POLE: variants seen among roughly 807,000 people sequenced by gnomAD.
POLE encodes the protein DNA polymerase epsilon catalytic subunit A.
POLE carries 188 observed loss-of-function variants against 279.2 expected under a neutral mutation model. That is an observed-to-expected ratio of 0.67 (90% CI 0.60 to 0.76). The LOEUF is 0.76. Among genes scored for constraint, POLE ranks in the 30% least tolerant of loss-of-function variants. POLE has a pLI of 0.00. For missense variants in POLE, 2,703 were observed against 3,016.7 expected (o/e 0.90, Z 2.44); for synonymous variants, 1,214 against 1,172.5 (o/e 1.04, Z -0.72).
intron 29 of POLE, among the ~76,000 whole-genome samples, chr12:132,651,666 A>G (rs2042425416): frequency 6.6e-6 from 1 of 152,210 alleles, no homozygotes; most frequent in African/African-American, 2.4e-5. Context: ...TAATGAACAG[A>G]TTCCAGCAAA....
chr12:132,677,996 G>A (rs945591300), intron 6 of POLE, among the ~76,000 whole-genome samples: 5 of 151,964 alleles, frequency 3.3e-5, no homozygotes, highest in Admixed American at 2.0e-4. Context: ...TGGCCAACAC[G>A]ACGAAACCTC....
At chr12:132,659,754 G>A (rs1331012720) in intron 25 of POLE, 4 of 475,224 alleles carry the variant, frequency 8.4e-6, no homozygotes, top group Non-Finnish European at 1.5e-5. Flanking sequence ...GTGCAGTGGT[G>A]CAATCTCAAC....
chr12:132,664,028 G>A lies in POLE; in HGVS notation c.2682C>T (p.Gly894=), dbSNP rs757453683. Residue 894 remains glycine (G), a synonymous_variant, in exon 23 of 49, where the codon GGC becomes GGT. Transcript: ENST00000320574. The surrounding 1 kb of genome is among the most constrained non-coding windows in gnomAD (Gnocchi z 5.3). The stretch of plus-strand genomic sequence containing the variant: ...CCTTGACCATGATGTTCAACATGGC[G>A]CCTGGGTAGGAGATGGTCACTTTGG... ...KKPKVTISYP[G]AMLNIMVKEG... 8 of 1,614,160 alleles carry A rather than the reference G, an allele frequency of 5.0e-6. No homozygotes were observed. Among genetic ancestry groups the A allele is most frequent in the African/African-American group, 4.0e-5 (3 of 75,052 alleles).
At position 132,673,525 on chromosome 12, in the gene POLE, C is replaced by G. The variant is rs372606601; in HGVS notation, c.1359+50G>C. ...ATGCCTGGGGCTGCTCCGTGGCCAT[C>G]TGGATGCGTGCACACGGCAGCAGGG... is the stretch of plus-strand genomic sequence containing the variant. On this transcript the variant is annotated intron_variant, in intron 13 of 48. Coordinates refer to ENST00000320574, the MANE Select transcript of POLE (RefSeq NM_006231.4). 2.4e-4 allele frequency: 381 copies of G among 1,581,472 alleles called. No individual in the cohort carries two copies. The highest frequency in any genetic ancestry group is 3.0e-4 in the Non-Finnish European group (354 of 1,162,276).
chr12:132,626,385 A>G (rs1051153282), intron 45 of POLE, 68 bp from the exon 46 acceptor site: 1 of 1,472,154 alleles, frequency 6.8e-7, no homozygotes, highest in Admixed American at 1.7e-5. Context: ...TCTGGACCAG[A>G]ACCCTCTGGA....
chr12:132,643,834 CACCTGAGTCTCATAT>C lies in POLE; in HGVS notation c.4278_4290+2del. 6.2e-7 allele frequency: 1 copy of C among 1,612,554 alleles called. No homozygotes were observed. The highest frequency in any genetic ancestry group is 1.3e-5 in the African/African-American group (1 of 75,052). On this transcript the variant is annotated splice_donor_variant and coding_sequence_variant, in exon 33 of 49. Transcript: ENST00000320574. LOFTEE classifies it high-confidence loss of function. ...GTTCAGTCGAGGGTGGCTGGGGAGT[CACCTGAGTCTCATAT>C]ACGCCCTCGATGTCTGGCGCTGACA... is the stretch of plus-strand genomic sequence containing the variant.
At position 132,639,427 on chromosome 12, in the gene POLE, C is replaced by T. The variant is rs1001835313; in HGVS notation, c.5379-129G>A. 6.6e-6 allele frequency: 5 copies of T among 754,064 alleles called. No homozygotes were observed. Among genetic ancestry groups the T allele is most frequent in the African/African-American group, 5.2e-5 (3 of 57,596 alleles). The allele number at this position is 754,064 out of a possible 1,614,324, so 46.7% of individuals were successfully genotyped here. A position where few individuals can be genotyped will look rare whatever the true frequency, so the allele number is the denominator to read the frequency against. ...GGTCCAAATCCGTCACTGTCGCCTC[C>T]CCTTCTCACTGTCCCCACCTTAAGT... On this transcript the variant is annotated intron_variant, in intron 39 of 48. Transcript: ENST00000320574. The surrounding 1 kb of genome is among the most constrained non-coding windows in gnomAD (Gnocchi z 4.7).
At chr12:132,679,762 G>T in intron 5 of POLE, 111 bp from the exon 6 acceptor site, 1 of 1,300,952 alleles carries the variant, frequency 7.7e-7, no homozygotes, top group Non-Finnish European at 1.1e-6. Flanking sequence ...CGACTTCAAG[G>T]CACCTTGTCC....
chr12:132,659,241 A>C, intron 26 of POLE, 54 bp downstream of exon 26: 2 of 1,564,088 alleles, frequency 1.3e-6, no homozygotes, highest in South Asian at 2.3e-5. Flanking sequence ...GGGAGCCCTC[A>C]CCTGTCCGTG....
In POLE at chr12:132,640,932, C is replaced by G. The variant is rs560520977; in HGVS notation, c.5378+715G>C. On this transcript the variant is annotated intron_variant, in intron 39 of 48. Transcript: ENST00000320574. ...TGCCTCATTTCCCAGCTCTGGCATGCTCCCTCTCCCCTTTTGTATGGAGTC... is the reference window on the plus strand; with the variant it reads ...TGCCTCATTTCCCAGCTCTGGCATGGTCCCTCTCCCCTTTTGTATGGAGTC... 3 of 454,762 alleles carry G rather than the reference C, an allele frequency of 6.6e-6. No individual in the cohort carries two copies. In the East Asian group the frequency reaches 2.1e-4, roughly 32 times the overall value. 28.2% of individuals were successfully genotyped at this position (454,762 alleles called of 1,614,324 possible). A position where few individuals can be genotyped will look rare whatever the true frequency, so the allele number is the denominator to read the frequency against.
In POLE at chr12:132,624,377, G is replaced by C; in HGVS notation, c.*320C>G. ...CTAGAGGACGCTCCCACCCCACCAG[G>C]TGTGGTGCAGGAAGCAACAGAGGCC... On this transcript the variant is annotated 3_prime_UTR_variant, in exon 49 of 49. Transcript: ENST00000320574. The C allele has an allele frequency of 2.3e-6, 1 of 436,430 alleles. No homozygotes were observed. 27.0% of individuals were successfully genotyped at this position (436,430 alleles called of 1,614,324 possible). A position where few individuals can be genotyped will look rare whatever the true frequency, so the allele number is the denominator to read the frequency against.
intron 29 of POLE, among the ~76,000 whole-genome samples, chr12:132,656,129 G>C (rs957878755): frequency 6.6e-6 from 1 of 151,874 alleles, no homozygotes; most frequent in African/African-American, 2.4e-5. Flanking sequence ...AGGCATGGTG[G>C]TGTGTGCCTA....
In POLE at chr12:132,634,545, G is replaced by A. The variant is rs2041998427; in HGVS notation, c.5812-167C>T. 6.6e-6 allele frequency among the ~76,000 whole-genome samples: 1 copy of A among 152,186 alleles called. No individual in the cohort carries two copies. The highest frequency in any genetic ancestry group is 2.1e-4 in the South Asian group (1 of 4,836). ...GGAGCCTGCGTGAATCCCCCAGGGT[G>A]GCTCCCAGTACAAAGTGCTTTGTGG... On this transcript the variant is annotated intron_variant, in intron 42 of 48. Coordinates refer to ENST00000320574, the MANE Select transcript of POLE (RefSeq NM_006231.4). This position sits in a 1 kb window ranked among gnomAD's most constrained non-coding sequence, Gnocchi z 4.0.
chr12:132,677,976 G>C (rs773806012), intron 6 of POLE, among the ~76,000 whole-genome samples: 1 of 152,114 alleles, frequency 6.6e-6, no homozygotes, highest in Non-Finnish European at 1.5e-5. Flanking sequence ...TCAGGAGTTC[G>C]AGACGAGCCT....
intron 43 of POLE, chr12:132,633,858 A>C: frequency 4.2e-6 from 1 of 237,034 alleles, no homozygotes; most frequent in Non-Finnish European, 8.1e-6. Flanking sequence ...GTTCCCTGGG[A>C]ATGTATGTGA....
rs1468442503 is a variant in POLE at position 132,647,768 on chromosome 12, AG to A, written c.4149+1160del. 2.6e-5 allele frequency among the ~76,000 whole-genome samples: 4 copies of A among 152,250 alleles called. No homozygotes were observed. In the South Asian group the frequency reaches 6.2e-4, roughly 24 times the overall value. ...CAGCACCACAGCACCACGCATCGAAAGGAAGGTGTAGAAACCCCACAGTCCC... is the reference window on the plus strand; with the variant it reads ...CAGCACCACAGCACCACGCATCGAAAGAAGGTGTAGAAACCCCACAGTCCC... On this transcript the variant is annotated intron_variant, in intron 32 of 48. Coordinates refer to ENST00000320574, the MANE Select transcript of POLE (RefSeq NM_006231.4).
chr12:132,625,786 G>A lies in POLE; in HGVS notation c.6532-16C>T. ...CCGCCCCATCCTAGGCAGAGCAAGA[G>A]TGCGAGAGGTCACCAGCCCAGCCTC... On this transcript the variant is annotated splice_polypyrimidine_tract_variant and intron_variant, in intron 46 of 48. Coordinates refer to ENST00000320574, the MANE Select transcript of POLE (RefSeq NM_006231.4). The A allele has an allele frequency of 1.2e-6, 2 of 1,606,288 alleles. No homozygotes were observed. Among genetic ancestry groups the A allele is most frequent in the Non-Finnish European group, 1.7e-6 (2 of 1,178,950 alleles).
In POLE at chr12:132,626,126, G is replaced by A. The variant is rs1555301175; in HGVS notation, c.6522C>T (p.Ser2174=). The A allele has an allele frequency of 6.2e-7, 1 of 1,600,486 alleles. No individual in the cohort carries two copies. Among genetic ancestry groups the A allele is most frequent in the Non-Finnish European group, 8.5e-7 (1 of 1,173,808 alleles). The change falls in exon 46 of 49, where the codon TCC becomes TCT. Residue 2174 remains serine, a synonymous_variant. Transcript: ENST00000320574. The part of the protein sequence containing the change: ...CRDLDLCKDS[S]FSEDGAVLPQ... ...TGGAGCTCAGCCGCACCTCTGAGAA[G>A]GAAGAGTCTTTACACAGGTCCAGGT...
At chr12:132,650,080 C>T (rs1421430011) in intron 29 of POLE, among the ~76,000 whole-genome samples, 191 bp from the exon 30 acceptor site, 2 of 152,060 alleles carry the variant, frequency 1.3e-5, no homozygotes, top group South Asian at 2.1e-4. Context: ...CGTGGTAGTG[C>T]GCCTGTAGTC....
Sources: gnomAD v4.1 joint callset for allele counts (sites outside exome capture counted in the v4.1 genomes callset) on GRCh38, gnomAD v4.1.1 for gene constraint, Gnocchi (gnomAD v3.1) non-coding constraint, MANE v1.5 for transcripts, NCBI Gene and HGNC (gene_info 2026-07-23, HGNC 2026-07-21) for gene names.